IKZF1: variants seen among roughly 807,000 people sequenced by gnomAD.
The protein encoded by IKZF1 is DNA-binding protein Ikaros.
A neutral mutation model predicts 51.7 loss-of-function variants in IKZF1; 10 were observed. That is an observed-to-expected ratio of 0.19 (90% CI 0.12 to 0.33). The LOEUF is 0.33. IKZF1 is among the 10% of genes least tolerant of loss of function. The pLI is 1.00. For missense variants in IKZF1, 484 were observed against 707.5 expected (o/e 0.68, Z 3.58); for synonymous variants, 280 against 282.3 (o/e 0.99, Z 0.08).
At chr7:50,356,102 G>A (rs1200724307) in intron 3 of IKZF1, among the ~76,000 whole-genome samples, 1 of 152,304 alleles carries the variant, frequency 6.6e-6, no homozygotes, top group East Asian at 1.9e-4. Context: ...AAAAAATGAT[G>A]TGGGGGTCCC....
Position 50,375,796 on chromosome 7 carries a change from T to A in IKZF1, c.161-737T>A, listed in dbSNP as rs1584881938. On this transcript the variant is annotated intron_variant, in intron 3 of 7. Coordinates refer to ENST00000331340, the MANE Select transcript of IKZF1 (RefSeq NM_006060.6). ...TCCAGATACCTACATTCATAAACTATCCCAATTAACCCTTCAGCAAGTGGA... is the reference window on the plus strand; with the variant it reads ...TCCAGATACCTACATTCATAAACTAACCCAATTAACCCTTCAGCAAGTGGA... Among the ~76,000 whole-genome samples, 3 of 142,284 alleles carry A rather than the reference T, an allele frequency of 2.1e-5. No individual in the cohort carries two copies. The Admixed American group carries it at 2.3e-4, about 11-fold the overall frequency. The allele number at this position is 142,284 out of a possible 152,430, so 93.3% of individuals were successfully genotyped here.
chr7:50,310,199 C>A (rs781123339), intron 1 of IKZF1, among the ~76,000 whole-genome samples: 2 of 152,120 alleles, frequency 1.3e-5, no homozygotes, highest in African/African-American at 4.8e-5. Flanking sequence ...AGTGTTTTCC[C>A]GCTTTAGTAT....
intron 7 of IKZF1, among the ~76,000 whole-genome samples, chr7:50,397,955 A>G (rs1462338558): frequency 1.3e-5 from 2 of 152,236 alleles, no homozygotes; most frequent in Non-Finnish European, 2.9e-5. Context: ...TATCCATTAC[A>G]AAATAAGACA....
At chr7:50,334,449 G>C (rs1192038796) in intron 3 of IKZF1, among the ~76,000 whole-genome samples, 1 of 151,730 alleles carries the variant, frequency 6.6e-6, no homozygotes, top group African/African-American at 2.4e-5. Context: ...TGTACATGTG[G>C]TATGTTTATG....
At chr7:50,359,450 G>A (rs758531492) in intron 3 of IKZF1, among the ~76,000 whole-genome samples, 62 of 152,178 alleles carry the variant, frequency 4.1e-4, no homozygotes, top group Non-Finnish European at 7.1e-4. Flanking sequence ...GGGAATGTGC[G>A]CAGAGTGAGG....
rs137974406 is a variant in IKZF1 at position 50,321,269 on chromosome 7, C to T, written c.40+2168C>T. The stretch of plus-strand genomic sequence containing the variant: ...TTTTCCTTAAGCGTTTACTTTGTTT[C>T]GTAAACAAAAAAGCACAAAAACAAA... On this transcript the variant is annotated intron_variant, in intron 2 of 7. Transcript: ENST00000331340. Among the ~76,000 whole-genome samples the T allele has an allele frequency of 9.5e-3, 1,450 of 152,164 alleles. 12 individuals carry two copies. Among genetic ancestry groups the T allele is most frequent in the Middle Eastern group, 0.044 (13 of 294 alleles).
rs761849558 is a variant in IKZF1, at chr7:50,401,684, C to T, written c.*1057C>T. The T allele has an allele frequency of 1.7e-4, 38 of 218,590 alleles. No homozygotes were observed. Among genetic ancestry groups the T allele is most frequent in the Non-Finnish European group, 3.0e-4 (33 of 108,772 alleles). The allele number at this position is 218,590 out of a possible 1,614,324, so 13.5% of individuals were successfully genotyped here. On this transcript the variant is annotated 3_prime_UTR_variant, in exon 8 of 8. Coordinates refer to ENST00000331340, the MANE Select transcript of IKZF1 (RefSeq NM_006060.6). ...ATGTACATCTGTTTGTAGCCACAAG[C>T]CTGAATTTCTCAGTGTTGGTAAGTT... is the stretch of plus-strand genomic sequence containing the variant.
At position 50,401,531 on chromosome 7, in the gene IKZF1, T is replaced by C. The variant is rs2153520814; in HGVS notation, c.*904T>C. On this transcript the variant is annotated 3_prime_UTR_variant, in exon 8 of 8. Transcript: ENST00000331340. ...AATTTGGATCTTCTTTCTTTTTGAA[T>C]CTCTCAAACGGCAACATTCCTCAGA... is the stretch of plus-strand genomic sequence containing the variant. The C allele has an allele frequency of 4.5e-6, 1 of 223,792 alleles. No homozygotes were observed. Among genetic ancestry groups the C allele is most frequent in the East Asian group, 6.4e-5 (1 of 15,630 alleles). The allele number at this position is 223,792 out of a possible 1,614,324, so 13.9% of individuals were successfully genotyped here. A position where few individuals can be genotyped will look rare whatever the true frequency, so the allele number is the denominator to read the frequency against.
rs766502771 is a variant in IKZF1 at position 50,319,086 on chromosome 7, A to G, written c.25A>G (p.Met9Val). 1.9e-6 allele frequency: 3 copies of G among 1,613,732 alleles called. No homozygotes were observed. The South Asian group carries it at 3.3e-5, about 18-fold the overall frequency. Residue 9 changes from methionine (M) to valine (V), a missense_variant, in exon 2 of 8, where the codon ATG (methionine) becomes GTG (valine). Physicochemically the swap from Met to Val is conservative, Grantham distance 21. Transcript: ENST00000331340. ...CATGGATGCTGATGAGGGTCAAGAC[A>G]TGTCCCAAGTTTCAGGTGAGACCTT... Reference protein sequence around the residue: MDADEGQDMSQVSGKESPP... With the variant: MDADEGQDVSQVSGKESPP...
At chr7:50,370,751 G>T (rs1424022676) in intron 3 of IKZF1, among the ~76,000 whole-genome samples, 4 of 152,174 alleles carry the variant, frequency 2.6e-5, no homozygotes, top group Admixed American at 1.3e-4. Flanking sequence ...GTGTTCCGGA[G>T]AAAGAGAGGA....
chr7:50,355,913 C>T (rs1167045551), intron 3 of IKZF1, among the ~76,000 whole-genome samples: 1 of 152,226 alleles, frequency 6.6e-6, no homozygotes. Context: ...TGTGAAAATG[C>T]TAGATAAGGA....
At position 50,402,555 on chromosome 7, in the gene IKZF1, C is replaced by T. The variant is rs943963076; in HGVS notation, c.*1928C>T. The T allele has an allele frequency of 4.3e-6, 1 of 230,226 alleles. No homozygotes were observed. 14.3% of individuals were successfully genotyped at this position (230,226 alleles called of 1,614,324 possible). ...CCAATCAAATGTCTGGGAAGCCCTC[C>T]AAGAAAAAAAATAGAAAAGCACTTG... On this transcript the variant is annotated 3_prime_UTR_variant, in exon 8 of 8. Coordinates refer to ENST00000331340, the MANE Select transcript of IKZF1 (RefSeq NM_006060.6).
intron 2 of IKZF1, among the ~76,000 whole-genome samples, chr7:50,322,191 A>G (rs924712184): frequency 6.6e-6 from 1 of 152,186 alleles, no homozygotes; most frequent in African/African-American, 2.4e-5. Flanking sequence ...TAGTTATGGC[A>G]TAAGGATGTA....
At chr7:50,325,512 T>G (rs568664256) in intron 2 of IKZF1, among the ~76,000 whole-genome samples, 1 of 152,180 alleles carries the variant, frequency 6.6e-6, no homozygotes, top group Non-Finnish European at 1.5e-5. Context: ...CAGTGGCTCA[T>G]GCCTGTAATC....
intron 7 of IKZF1, among the ~76,000 whole-genome samples, chr7:50,397,580 A>G (rs1295238039): frequency 6.6e-6 from 1 of 152,218 alleles, no homozygotes; most frequent in Non-Finnish European, 1.5e-5. Context: ...AAAATTGGCT[A>G]CAAAGTCCAT....
intron 3 of IKZF1, among the ~76,000 whole-genome samples, chr7:50,363,569 A>G (rs981647433): frequency 1.3e-5 from 2 of 152,096 alleles, no homozygotes; most frequent in Non-Finnish European, 1.5e-5. Context: ...ACTGAACTTG[A>G]TTGTATTTTA....
chr7:50,362,807 T>A (rs1156986737), intron 3 of IKZF1, among the ~76,000 whole-genome samples: 1 of 152,010 alleles, frequency 6.6e-6, no homozygotes. Context: ...AGGATGATAA[T>A]CTTAGGGCAA....
chr7:50,384,435 G>A (rs1003271797), intron 5 of IKZF1, among the ~76,000 whole-genome samples: 1 of 152,248 alleles, frequency 6.6e-6, no homozygotes, highest in African/African-American at 2.4e-5. Context: ...AAACTTCCAA[G>A]AAAGGAGCTA....
chr7:50,323,221 G>A (rs142398291), intron 2 of IKZF1, among the ~76,000 whole-genome samples: 115 of 152,256 alleles, frequency 7.6e-4, no homozygotes, highest in Middle Eastern at 6.8e-3. Context: ...CAACCTGCAG[G>A]GAGCTGAGAC....
Sources: gnomAD v4.1 joint callset for allele counts (sites outside exome capture counted in the v4.1 genomes callset) on GRCh38, gnomAD v4.1.1 for gene constraint, MANE v1.5 for transcripts, NCBI Gene and HGNC (gene_info 2026-07-23, HGNC 2026-07-21) for gene names.